Variants in MAU2 observed in about 807,000 individuals in gnomAD.
The protein encoded by MAU2 is MAU2 chromatid cohesion factor homolog.
MAU2 carries 9 observed loss-of-function variants against 89.1 expected under a neutral mutation model. The observed-to-expected ratio is 0.10, with a 90% CI of 0.06 to 0.18. The LOEUF (loss-of-function observed/expected upper bound fraction) is 0.18. Among genes scored for constraint, MAU2 ranks in the 10% least tolerant of loss-of-function variants. MAU2 has a pLI of 1.00. For synonymous variants in MAU2, 357 were observed against 343.4 expected (o/e 1.04, Z -0.44); for missense variants, 425 against 803.5 (o/e 0.53, Z 5.69).
At chr19:19,349,796 C>T (rs1304615164) in intron 16 of MAU2, among the ~76,000 whole-genome samples, 1 of 152,104 alleles carries the variant, frequency 6.6e-6, no homozygotes, top group African/African-American at 2.4e-5. Context: ...AGAGGTGTCT[C>T]CTCTCAGCCG....
chr19:19,351,400 TG>T (rs1254897137), intron 16 of MAU2, among the ~76,000 whole-genome samples: 4 of 151,226 alleles, frequency 2.6e-5, no homozygotes, highest in Non-Finnish European at 5.9e-5. Flanking sequence ...CCAGACACAG[TG>T]GCTCAGGCCT....
intron 1 of MAU2, among the ~76,000 whole-genome samples, chr19:19,332,326 ATTTT>A (rs35913129): frequency 3.9e-5 from 4 of 101,970 alleles, no homozygotes; most frequent in African/African-American, 1.6e-4. Flanking sequence ...TGCCTGGCTG[ATTTT>A]TTTTTTTTTT....
At chr19:19,339,204 C>CTT (rs1355186466) in intron 5 of MAU2, among the ~76,000 whole-genome samples, 1 of 152,200 alleles carries the variant, frequency 6.6e-6, no homozygotes, top group African/African-American at 2.4e-5. Flanking sequence ...AATCCCAGCA[C>CTT]TTTGAGAGGC....
intron 16 of MAU2, among the ~76,000 whole-genome samples, chr19:19,350,655 C>G (rs1209401852): frequency 6.7e-6 from 1 of 150,366 alleles, no homozygotes; most frequent in Non-Finnish European, 1.5e-5. Context: ...AATCCCAGCA[C>G]TTTGGGAGGC....
chr19:19,320,997 G>T lies in MAU2; in HGVS notation c.138G>T (p.Leu46=). Residue 46 remains leucine (L), a synonymous_variant, in exon 1 of 19, where the codon CTG becomes CTT. Coordinates refer to ENST00000262815, the MANE Select transcript of MAU2 (RefSeq NM_015329.4). The part of the protein sequence containing the change: ...FRTSSPPKIR[L]CVHCLQAVFP... ...CTTCCAGCCCGCCCAAAATCCGCCTGTGCGTGCACTGCCTGCAGGCCGTGT... is the reference window on the plus strand; with the variant it reads ...CTTCCAGCCCGCCCAAAATCCGCCTTTGCGTGCACTGCCTGCAGGCCGTGT... 4.3e-6 allele frequency: 7 copies of T among 1,610,642 alleles called. No homozygotes were observed. The highest frequency in any genetic ancestry group is 1.1e-5 in the South Asian group (1 of 90,310).
chr19:19,323,527 GAC>G (rs2061481493), intron 1 of MAU2, among the ~76,000 whole-genome samples: 1 of 151,054 alleles, frequency 6.6e-6, no homozygotes, highest in Middle Eastern at 3.4e-3. Context: ...TTTATTTTGA[GAC>G]AGGGTCTCGC....
rs117949526 is a variant in MAU2 at position 19,351,758 on chromosome 19, A to G, written c.1548+2322A>G. On this transcript the variant is annotated intron_variant, in intron 16 of 18. Coordinates refer to ENST00000262815, the MANE Select transcript of MAU2 (RefSeq NM_015329.4). ...AGGCTGAGAAGCAAAACAGAAAAAA[A>G]TTGCATGTCTCTGTCATCCATCCCT... 8.5e-3 allele frequency among the ~76,000 whole-genome samples: 1,292 copies of G among 152,158 alleles called. 6 individuals are homozygous for G. Among genetic ancestry groups the G allele is most frequent in the Middle Eastern group, 0.037 (11 of 294 alleles).
intron 3 of MAU2, among the ~76,000 whole-genome samples, chr19:19,336,395 G>A (rs998993486): frequency 6.6e-6 from 1 of 152,046 alleles, no homozygotes; most frequent in Non-Finnish European, 1.5e-5. Context: ...AAACTCCTGA[G>A]CTCAAGTGAT....
Position 19,355,611 on chromosome 19 carries a change from C to T in MAU2, c.1768-97C>T, listed in dbSNP as rs1198116473. The T allele has an allele frequency of 1.5e-5, 19 of 1,264,654 alleles. No homozygotes were observed. The South Asian group carries it at 1.6e-4, about 11-fold the overall frequency. 78.3% of individuals were successfully genotyped at this position (1,264,654 alleles called of 1,614,324 possible). On this transcript the variant is annotated intron_variant, in intron 18 of 18. Coordinates refer to ENST00000262815, the MANE Select transcript of MAU2 (RefSeq NM_015329.4). ...GACTGGGGCATGGAGAACAGAGTCCCGGCTGTGTGAGCAGCCCAAGGAAGG... is the reference window on the plus strand; with the variant it reads ...GACTGGGGCATGGAGAACAGAGTCCTGGCTGTGTGAGCAGCCCAAGGAAGG...
intron 1 of MAU2, among the ~76,000 whole-genome samples, chr19:19,327,226 AT>A: frequency 6.6e-6 from 1 of 150,624 alleles, no homozygotes; most frequent in Admixed American, 6.7e-5. Flanking sequence ...GGTTCAGACT[AT>A]TCTCCTGCCT....
At chr19:19,322,333 T>A (rs2061467268) in intron 1 of MAU2, among the ~76,000 whole-genome samples, 1 of 152,156 alleles carries the variant, frequency 6.6e-6, no homozygotes, top group Non-Finnish European at 1.5e-5. Flanking sequence ...GCTCAGTGGC[T>A]TATGTCTGTA....
intron 13 of MAU2, 96 bp downstream of exon 13, chr19:19,347,462 A>C (rs1599921409): frequency 1.1e-6 from 1 of 926,022 alleles, no homozygotes; most frequent in East Asian, 2.6e-5. Flanking sequence ...ATCTCAGCAG[A>C]CCCCAGGGTG....
intron 1 of MAU2, among the ~76,000 whole-genome samples, chr19:19,329,688 T>A (rs896028385): frequency 2.0e-5 from 3 of 152,006 alleles, no homozygotes; most frequent in African/African-American, 7.2e-5. Context: ...AAAAAATGAT[T>A]TTGAGCCAGG....
chr19:19,332,326 A>AT (rs35913129), intron 1 of MAU2, among the ~76,000 whole-genome samples: 61,669 of 101,928 alleles, frequency 0.61, 19,719 homozygotes, highest in Non-Finnish European at 0.67. Context: ...TGCCTGGCTG[A>AT]TTTTTTTTTT....
chr19:19,323,782 C>T (rs1043412650), intron 1 of MAU2, among the ~76,000 whole-genome samples: 5 of 152,194 alleles, frequency 3.3e-5, no homozygotes, highest in African/African-American at 1.2e-4. Flanking sequence ...TTGTGCCCAG[C>T]GTGGAAGGCA....
chr19:19,335,747 G>T lies in MAU2; in HGVS notation c.294+12G>T, dbSNP rs565341228. 2.5e-6 allele frequency: 4 copies of T among 1,613,648 alleles called. No homozygotes were observed. In the South Asian group the frequency reaches 3.3e-5, roughly 13 times the overall value. On this transcript the variant is annotated intron_variant, in intron 2 of 18. Coordinates refer to ENST00000262815, the MANE Select transcript of MAU2 (RefSeq NM_015329.4). ...TGATATCACAGCAAGTATCCTTTCC[G>T]TGTTGGTATGGTTCCCTTTAAGGAA...
rs566939021 is a variant in MAU2 at position 19,334,186 on chromosome 19, G to A, written c.277-1532G>A. On this transcript the variant is annotated intron_variant, in intron 1 of 18. Coordinates refer to ENST00000262815, the MANE Select transcript of MAU2 (RefSeq NM_015329.4). ...GTCCCCACACACAGCCTCTAGCTGA[G>A]GAGCCTCACCTCTGGGGCCACACTT... 5 of 985,408 alleles carry A rather than the reference G, an allele frequency of 5.1e-6. No individual in the cohort carries two copies. The South Asian group carries it at 1.4e-4, about 28-fold the overall frequency. The allele number at this position is 985,408 out of a possible 1,614,324, so 61.0% of individuals were successfully genotyped here.
At chr19:19,337,124 G>GAT (rs1555794072) in intron 3 of MAU2, 46 bp from the exon 4 acceptor site, 10 of 1,161,566 alleles carry the variant, frequency 8.6e-6, no homozygotes, top group Non-Finnish European at 1.1e-5. Context: ...TTGCCGCCTT[G>GAT]TTTTTTTTTT....
Position 19,339,803 on chromosome 19 carries a change from C to T in MAU2, c.551+864C>T, listed in dbSNP as rs185455559. 2.6e-5 allele frequency: 4 copies of T among 151,842 alleles called. No homozygotes were observed. In the East Asian group the frequency reaches 5.9e-4, roughly 23 times the overall value. 9.4% of individuals were successfully genotyped at this position (151,842 alleles called of 1,614,324 possible). On this transcript the variant is annotated intron_variant, in intron 5 of 18. Coordinates refer to ENST00000262815, the MANE Select transcript of MAU2 (RefSeq NM_015329.4). The stretch of plus-strand genomic sequence containing the variant: ...CTTTGGGAGGCCGAGGCAGGTGGAT[C>T]ACATGAGGTCAGGAGTTTGAGACCA...
Sources: allele counts gnomAD v4.1 joint callset (sites outside exome capture counted in the v4.1 genomes callset), GRCh38; gene constraint gnomAD v4.1.1; transcripts MANE v1.5; gene names NCBI Gene and HGNC (gene_info 2026-07-23, HGNC 2026-07-21).